Variants in ANKS1B observed in about 807,000 individuals in gnomAD.
ANKS1B encodes the protein ankyrin repeat and sterile alpha motif domain containing 1B.
ANKS1B carries 36 observed loss-of-function variants against 148.3 expected under a neutral mutation model. The observed-to-expected ratio is 0.24, with a 90% CI of 0.19 to 0.32. ANKS1B has a LOEUF of 0.32. Among genes scored for constraint, ANKS1B ranks in the 10% least tolerant of loss-of-function variants. The pLI, the probability that ANKS1B is intolerant of heterozygous loss-of-function variation, is 1.00. For synonymous variants in ANKS1B, 542 were observed against 560.8 expected (o/e 0.97, Z 0.47); for missense variants, 1,157 against 1,542.6 (o/e 0.75, Z 4.19).
chr12:98,773,751 C>T (rs1473164839), intron 24 of ANKS1B, among the ~76,000 whole-genome samples: 6 of 152,146 alleles, frequency 3.9e-5, no homozygotes, highest in African/African-American at 7.2e-5. Context: ...TCACCGCGTC[C>T]GGCCTCCACT....
chr12:99,509,487 T>G (rs899535118), intron 9 of ANKS1B, among the ~76,000 whole-genome samples: 3 of 151,874 alleles, frequency 2.0e-5, no homozygotes, highest in Admixed American at 6.6e-5. Context: ...GTGGTCTGGA[T>G]AGAAGATCAC....
At chr12:99,316,004 C>T (rs1444903600) in intron 12 of ANKS1B, among the ~76,000 whole-genome samples, 1 of 152,150 alleles carries the variant, frequency 6.6e-6, no homozygotes, top group Non-Finnish European at 1.5e-5. Flanking sequence ...ATGAACTCAT[C>T]ATTTTTTATG....
intron 11 of ANKS1B, among the ~76,000 whole-genome samples, chr12:99,424,386 T>C (rs796342711): frequency 1.6e-4 from 25 of 152,244 alleles, no homozygotes; most frequent in South Asian, 8.3e-4. Context: ...GTTTGGAATA[T>C]AGACTAGAAG....
chr12:99,034,522 C>T (rs544861257), intron 17 of ANKS1B, among the ~76,000 whole-genome samples: 11 of 152,128 alleles, frequency 7.2e-5, no homozygotes, highest in Middle Eastern at 3.4e-3. Context: ...CGCCATGTTG[C>T]CCAGGCTGGT....
chr12:98,989,133 T>A (rs2099925130), intron 17 of ANKS1B, among the ~76,000 whole-genome samples: 4 of 152,216 alleles, frequency 2.6e-5, no homozygotes, highest in Admixed American at 2.6e-4. Flanking sequence ...CAGTTATCTA[T>A]CTTGCCTTTG....
intron 19 of ANKS1B, among the ~76,000 whole-genome samples, chr12:98,824,893 T>C (rs775040532): frequency 1.1e-4 from 16 of 152,104 alleles, no homozygotes; most frequent in Non-Finnish European, 2.1e-4. Flanking sequence ...TTCAATCAGT[T>C]TCCACTAAAC....
chr12:99,982,547 T>G (rs1039281086), intron 1 of ANKS1B, among the ~76,000 whole-genome samples: 2 of 152,224 alleles, frequency 1.3e-5, no homozygotes, highest in Non-Finnish European at 2.9e-5. Context: ...ATAATCATTT[T>G]TATAACTGAT....
At chr12:99,909,599 G>A (rs1448952323) in intron 1 of ANKS1B, among the ~76,000 whole-genome samples, 1 of 151,954 alleles carries the variant, frequency 6.6e-6, no homozygotes, top group East Asian at 1.9e-4. Context: ...CTATGTGTCT[G>A]TTTTTATGCC....
intron 14 of ANKS1B, among the ~76,000 whole-genome samples, chr12:99,230,444 TTAGA>T (rs938856570): frequency 3.3e-4 from 50 of 152,192 alleles, no homozygotes; most frequent in African/African-American, 1.1e-3. Flanking sequence ...TTCTGGAGGG[TTAGA>T]TATTTTGTTG....
chr12:99,933,726 T>C (rs933418547), intron 1 of ANKS1B, among the ~76,000 whole-genome samples: 1 of 152,184 alleles, frequency 6.6e-6, no homozygotes, highest in East Asian at 1.9e-4. Flanking sequence ...TTGGATGCTC[T>C]TTCTTTCTTT....
chr12:98,967,232 T>C (rs1376453154), intron 17 of ANKS1B, among the ~76,000 whole-genome samples: 1 of 152,104 alleles, frequency 6.6e-6, no homozygotes, highest in Non-Finnish European at 1.5e-5. Flanking sequence ...CCTAATATGA[T>C]TTCTCCCAGA....
At chr12:98,775,208 T>C (rs116196470) in intron 24 of ANKS1B, among the ~76,000 whole-genome samples, 2,586 of 152,216 alleles carry the variant, frequency 0.017, 66 homozygotes, top group African/African-American at 0.058. Context: ...TTGAGATCTT[T>C]TGCAAGATCT....
intron 12 of ANKS1B, among the ~76,000 whole-genome samples, chr12:99,366,691 CAA>C (rs1488845077): frequency 1.3e-5 from 2 of 152,050 alleles, no homozygotes; most frequent in African/African-American, 4.8e-5. Context: ...TACATTATCT[CAA>C]GATTAATTTT....
At chr12:99,880,772 A>T (rs991987301) in intron 1 of ANKS1B, among the ~76,000 whole-genome samples, 13 of 152,214 alleles carry the variant, frequency 8.5e-5, no homozygotes, top group African/African-American at 3.1e-4. Context: ...GGATTGAAAG[A>T]TTTGTGAAAC....
chr12:99,920,307 T>C (rs2094312608), intron 1 of ANKS1B, among the ~76,000 whole-genome samples: 1 of 152,158 alleles, frequency 6.6e-6, no homozygotes, highest in South Asian at 2.1e-4. Context: ...GACTCTGTGG[T>C]ACTTTCTAAC....
At chr12:98,787,447 A>G (rs1184983351) in intron 22 of ANKS1B, among the ~76,000 whole-genome samples, 1 of 152,142 alleles carries the variant, frequency 6.6e-6, no homozygotes, top group African/African-American at 2.4e-5. Flanking sequence ...ATTTGTCTTC[A>G]CTGTAATGAC....
intron 21 of ANKS1B, among the ~76,000 whole-genome samples, chr12:98,800,417 G>A (rs1427709568): frequency 2.0e-5 from 3 of 151,912 alleles, no homozygotes; most frequent in Admixed American, 1.3e-4. Context: ...TTCTGCTGTC[G>A]TCAAGACAAC....
chr12:99,455,961 CA>C (rs1296465403), intron 10 of ANKS1B, among the ~76,000 whole-genome samples: 4 of 152,100 alleles, frequency 2.6e-5, no homozygotes, highest in African/African-American at 9.7e-5. Context: ...TGAGGACAAC[CA>C]AAACAAAACC....
chr12:99,398,863 G>A (rs962643581), intron 12 of ANKS1B, among the ~76,000 whole-genome samples: 5 of 152,006 alleles, frequency 3.3e-5, no homozygotes, highest in African/African-American at 1.2e-4. Flanking sequence ...CTGTTCTCTG[G>A]ACATAATGAA....
Sources: gnomAD v4.1 joint callset for allele counts (sites outside exome capture counted in the v4.1 genomes callset) on GRCh38, gnomAD v4.1.1 for gene constraint, MANE v1.5 for transcripts, NCBI Gene and HGNC (gene_info 2026-07-23, HGNC 2026-07-21) for gene names.